The following FLG variants were observed in gnomAD, a reference collection of about 807,000 sequenced individuals.
The protein encoded by FLG is filaggrin.
Under a neutral mutation model 3.8 loss-of-function variants are expected in FLG, and 6 were observed. The observed-to-expected ratio is 1.60, with a 90% CI of 0.87 to 3.15. The LOEUF (loss-of-function observed/expected upper bound fraction) is 3.15, where lower values mean the gene tolerates loss of function less well. FLG is among the 30% of genes most tolerant of loss of function. The pLI, the probability that FLG is intolerant of heterozygous loss-of-function variation, is 0.00. For missense variants in FLG, 7,595 were observed against 5,050.9 expected, an observed-to-expected ratio of 1.50 and a Z score of -15.27; for synonymous variants, 2,551 against 1,931.6, an observed-to-expected ratio of 1.32 and a Z score of -8.41.
Position 152,309,959 on chromosome 1 carries a change from G to A in FLG, c.4927C>T (p.His1643Tyr). The part of the protein sequence containing the change: ...PRSHQEDRAS[H>Y]GHSAESSRQS... ...CTGGAGCTCTCTGCAGAGTGCCCAT[G>A]ACTGGCTCTATCTTCTTGATGGGAC... Residue 1643 changes from histidine to tyrosine, a missense_variant, in exon 3 of 3, where the codon CAT (histidine) becomes TAT (tyrosine). Coordinates refer to ENST00000368799, the MANE Select transcript of FLG (RefSeq NM_002016.2). 1.2e-6 allele frequency: 2 copies of A among 1,614,094 alleles called. No homozygotes were observed. The highest frequency in any genetic ancestry group is 1.1e-5 in the South Asian group (1 of 91,076).
At position 152,303,370 on chromosome 1, in the gene FLG, C is replaced by A. The variant is rs775846399; in HGVS notation, c.11516G>T (p.Ser3839Ile). ...RHHEASTQAD[S>I]SRHSQSGQGE... ...CTGGCCGGACTGTGAGTGTCTAGAG[C>A]TGTCAGCCTGAGTGGAAGCTTCATG... Residue 3839 changes from serine (S) to isoleucine (I), a missense_variant, in exon 3 of 3, where the codon AGC (serine) becomes ATC (isoleucine). Transcript: ENST00000368799. The A allele has an allele frequency of 4.3e-6, 7 of 1,614,168 alleles. No individual in the cohort carries two copies. The South Asian group carries it at 4.4e-5, about 10-fold the overall frequency.
rs533149706 is a variant in FLG, at chr1:152,309,732, C to G, written c.5154G>C (p.Gln1718His). 26 of 1,613,972 alleles carry G rather than the reference C, an allele frequency of 1.6e-5. No individual in the cohort carries two copies. The highest frequency in any genetic ancestry group is 1.9e-5 in the Non-Finnish European group (22 of 1,180,022). ...CTGAGTGTCCCTCGCTGTCACTGGC[C>G]TGGCTACCACTGGACCCTCGGTTTC... ...DSGNRGSSGS[Q>H]ASDSEGHSEE... The change falls in exon 3 of 3, where the codon CAG becomes CAC. Residue 1718 changes from glutamine (Q) to histidine (H), a missense_variant. By Grantham distance (24) the Gln-to-His change is conservative. Transcript: ENST00000368799.
At position 152,303,796 on chromosome 1, in the gene FLG, C is replaced by T. The variant is rs555710209; in HGVS notation, c.11090G>A (p.Arg3697His). ...PHQQSHQEST[R>H]GRSAGRSGRS... ...TCCAGACCTTCCTGCTGACCGGCCA[C>T]GTGTGGACTCTTGGTGGCTCTGCTG... Residue 3697 changes from arginine (R) to histidine (H), a missense_variant, in exon 3 of 3, where the codon CGT becomes CAT. Coordinates refer to ENST00000368799, the MANE Select transcript of FLG (RefSeq NM_002016.2). 89 of 1,613,696 alleles carry T rather than the reference C, an allele frequency of 5.5e-5. No individual in the cohort carries two copies. In the African/African-American group the frequency reaches 6.7e-4, roughly 12 times the overall value.
In FLG at chr1:152,309,401, A is replaced by C; in HGVS notation, c.5485T>G (p.Tyr1829Asp). 1 of 1,612,422 alleles carries C rather than the reference A, an allele frequency of 6.2e-7. No individual in the cohort carries two copies. The highest frequency in any genetic ancestry group is 1.3e-5 in the African/African-American group (1 of 74,696). Residue 1829 changes from tyrosine to aspartate, a missense_variant, in exon 3 of 3, where the codon TAT (tyrosine) becomes GAT (aspartate). By Grantham distance (160) the Tyr-to-Asp change is radical. Transcript: ENST00000368799. ...SSRGGRQGSH[Y>D]EQSVDSSGHS... ...CCAGAACTATCTACCGATTGCTCAT[A>C]GTGGGATCCCTGCCTTCCTCCTCTG...
In FLG at chr1:152,302,384, G is replaced by T. The variant is rs1651664503; in HGVS notation, c.*316C>A. On this transcript the variant is annotated 3_prime_UTR_variant, in exon 3 of 3. Coordinates refer to ENST00000368799, the MANE Select transcript of FLG (RefSeq NM_002016.2). ...TGAAAAAGATTAATTTAGAAATTTG[G>T]GGAGTGTCTAAAACTTAAACTTTCA... is the stretch of plus-strand genomic sequence containing the variant. 3.1e-6 allele frequency: 1 copy of T among 324,742 alleles called. No individual in the cohort carries two copies. Among genetic ancestry groups the T allele is most frequent in the Non-Finnish European group, 5.7e-6 (1 of 176,716 alleles). 20.1% of individuals were successfully genotyped at this position (324,742 alleles called of 1,614,324 possible).
chr1:152,321,318 A>C (rs776240997), intron 1 of FLG, among the ~76,000 whole-genome samples: 2 of 150,932 alleles, frequency 1.3e-5, no homozygotes, highest in Non-Finnish European at 3.0e-5. Context: ...AAGTATAATG[A>C]AGGAAATAAT....
Position 152,307,588 on chromosome 1 carries a change from G to A in FLG, c.7298C>T (p.Thr2433Ile). ...QSESAHGRTG[T>I]STGGRQGSHH... ...GGATCCTTGTCTTCCTCCAGTGCTG[G>A]TCCCGGTCCGTCCATGGGCGGACTC... Residue 2433 changes from threonine to isoleucine, a missense_variant, in exon 3 of 3, where the codon ACC becomes ATC. Coordinates refer to ENST00000368799, the MANE Select transcript of FLG (RefSeq NM_002016.2). 1 of 1,613,770 alleles carries A rather than the reference G, an allele frequency of 6.2e-7. No individual in the cohort carries two copies. The highest frequency in any genetic ancestry group is 2.2e-5 in the East Asian group (1 of 44,794).
At chr1:152,322,600 A>G (rs986815819) in intron 1 of FLG, among the ~76,000 whole-genome samples, 4 of 151,192 alleles carry the variant, frequency 2.6e-5, no homozygotes, top group African/African-American at 9.7e-5. Flanking sequence ...TTGAGATTAT[A>G]AGTGCTGAGA....
In FLG at chr1:152,313,073, G is replaced by C. The variant is rs373321799; in HGVS notation, c.1813C>G (p.Gln605Glu). The change falls in exon 3 of 3, where the codon CAG becomes GAG. Residue 605 changes from glutamine (Q) to glutamate (E), a missense_variant. Gln to Glu is a conservative substitution (Grantham distance 29). Coordinates refer to ENST00000368799, the MANE Select transcript of FLG (RefSeq NM_002016.2). Reference sequence around the variant, plus strand: ...GTCCTGGGCCCCGATGATTGTCCCTGGCCCACCTGTGAGTGTCTAGAGCTG... The same window carrying C: ...GTCCTGGGCCCCGATGATTGTCCCTCGCCCACCTGTGAGTGTCTAGAGCTG... ...ADSSRHSQVGQGQSSGPRTSR... is the reference protein window; with the variant it reads ...ADSSRHSQVGEGQSSGPRTSR... The C allele has an allele frequency of 6.2e-7, 1 of 1,613,908 alleles. No homozygotes were observed. The highest frequency in any genetic ancestry group is 2.2e-5 in the East Asian group (1 of 44,848).
chr1:152,304,816 C>T lies in FLG; in HGVS notation c.10070G>A (p.Gly3357Asp), dbSNP rs778243565. The T allele has an allele frequency of 3.1e-6, 5 of 1,613,690 alleles. No individual in the cohort carries two copies. Among genetic ancestry groups the T allele is most frequent in the East Asian group, 4.5e-5 (2 of 44,826 alleles). ...CTGATGGGGCCCAGCCTGTCCATGG[C>T]CTGACACTGACTGTGTGTCTGACTC... ...SEESDTQSVS[G>D]HGQAGPHQQS... Residue 3357 changes from glycine (G) to aspartate (D), a missense_variant, in exon 3 of 3, where the codon GGC (glycine) becomes GAC (aspartate). Transcript: ENST00000368799.
chr1:152,307,638 G>C lies in FLG; in HGVS notation c.7248C>G (p.Tyr2416Ter), dbSNP rs764660018. ...CAGACTGTTCATGAGTGCTCACCTG[G>C]TAGAGGAAAGACCCTGAACGTCCAG... ...GRSGRSGSFL[Y>*]QVSTHEQSES... is the part of the protein sequence containing the mutation. The change falls in exon 3 of 3, where the codon TAC becomes TAG. Residue 2416 changes from tyrosine (Y) to a stop codon, truncating the protein, a stop_gained. Coordinates refer to ENST00000368799, the MANE Select transcript of FLG (RefSeq NM_002016.2). LOFTEE classifies it low-confidence loss of function (END_TRUNC). 1 of 1,613,470 alleles carries C rather than the reference G, an allele frequency of 6.2e-7. No individual in the cohort carries two copies. Among genetic ancestry groups the C allele is most frequent in the Non-Finnish European group, 8.5e-7 (1 of 1,179,850 alleles).
Position 152,312,960 on chromosome 1 carries a change from G to C in FLG, c.1926C>G (p.Ser642=), listed in dbSNP as rs766043705. ...EDSERWSGSA[S]RNHHGSAQEQ... The stretch of plus-strand genomic sequence containing the variant: ...CCTGAGCAGATCCATGATGGTTTCT[G>C]GAAGCAGACCCAGACCACCTCTCAG... The change falls in exon 3 of 3, where the codon TCC becomes TCG. Residue 642 remains serine (S), a synonymous_variant. Transcript: ENST00000368799. The C allele has an allele frequency of 1.1e-5, 17 of 1,613,950 alleles. No individual in the cohort carries two copies. The highest frequency in any genetic ancestry group is 5.0e-5 in the Admixed American group (3 of 60,006).
rs752246528 is a variant in FLG at position 152,313,242 on chromosome 1, G to T, written c.1644C>A (p.His548Gln). Residue 548 changes from histidine (H) to glutamine (Q), a missense_variant, in exon 3 of 3, where the codon CAC (histidine) becomes CAA (glutamine). His to Gln is a conservative substitution (Grantham distance 24). Coordinates refer to ENST00000368799, the MANE Select transcript of FLG (RefSeq NM_002016.2). ...CATCAGACCTTCCCTGGGATGTGGT[G>T]TGGCTGTGATGGGAACCTGAGTGTC... Reference protein sequence around the residue: ...RSGHSGSHHSHTTSQGRSDAS... With the variant: ...RSGHSGSHHSQTTSQGRSDAS... 6 of 1,613,930 alleles carry T rather than the reference G, an allele frequency of 3.7e-6. No homozygotes were observed. The highest frequency in any genetic ancestry group is 5.1e-6 in the Non-Finnish European group (6 of 1,180,014).
At chr1:152,320,308 T>G (rs1652916347) in intron 1 of FLG, among the ~76,000 whole-genome samples, 1 of 150,632 alleles carries the variant, frequency 6.6e-6, no homozygotes, top group Non-Finnish European at 1.5e-5. Context: ...ATAGAGTAAA[T>G]ATGCTAATTA....
At position 152,308,832 on chromosome 1, in the gene FLG, TCTGGAGCTGTCTGCTGA is replaced by T. The variant is rs748254573; in HGVS notation, c.6037_6053del (p.Ser2013ThrfsTer24). The T allele has an allele frequency of 6.2e-7, 1 of 1,614,166 alleles. No individual in the cohort carries two copies. The highest frequency in any genetic ancestry group is 8.5e-7 in the Non-Finnish European group (1 of 1,180,020). The stretch of plus-strand genomic sequence containing the variant: ...CTTGTCCATGCCCAATGCCTGAGTG[TCTGGAGCTGTCTGCTGA>T]CTGGAGCTGGTGGTGGGATCCATGT... On this transcript the variant is annotated frameshift_variant, in exon 3 of 3. Transcript: ENST00000368799. LOFTEE classifies it low-confidence loss of function (END_TRUNC).
rs755171314 is a variant in FLG at position 152,311,252 on chromosome 1, C to G, written c.3634G>C (p.Gly1212Arg). 1 of 1,613,704 alleles carries G rather than the reference C, an allele frequency of 6.2e-7. No homozygotes were observed. Among genetic ancestry groups the G allele is most frequent in the South Asian group, 1.1e-5 (1 of 91,050 alleles). ...GTTTGTCTGCTTGCACTTCTGGATC[C>G]TGACTGCCCATGGGAGGCATCAGAC... ...GRSDASHGQS[G>R]SRSASRQTRK... The change falls in exon 3 of 3, where the codon GGA (glycine) becomes CGA (arginine). Residue 1212 changes from glycine (G) to arginine (R), a missense_variant. By Grantham distance (125) the Gly-to-Arg change is moderately radical. Transcript: ENST00000368799.
chr1:152,313,145 T>C lies in FLG; in HGVS notation c.1741A>G (p.Thr581Ala). 1 of 1,613,816 alleles carries C rather than the reference T, an allele frequency of 6.2e-7. No homozygotes were observed. The highest frequency in any genetic ancestry group is 8.5e-7 in the Non-Finnish European group (1 of 1,179,980). ...TGATGACGTGACCCTGAGTGCCTGGTGCCGTCTCCTGATTGTTCCTCATTT... is the reference window on the plus strand; with the variant it reads ...TGATGACGTGACCCTGAGTGCCTGGCGCCGTCTCCTGATTGTTCCTCATTT... ...TRNEEQSGDG[T>A]RHSGSRHHEA... The change falls in exon 3 of 3, where the codon ACC (threonine) becomes GCC (alanine). Residue 581 changes from threonine to alanine, a missense_variant. Coordinates refer to ENST00000368799, the MANE Select transcript of FLG (RefSeq NM_002016.2).
rs112033499 is a variant in FLG, at chr1:152,308,947, C to T, written c.5939G>A (p.Arg1980His). The T allele has an allele frequency of 1.5e-3, 2,436 of 1,613,550 alleles. 3 individuals carry two copies. The highest frequency in any genetic ancestry group is 3.3e-3 in the African/African-American group (246 of 74,644). The change falls in exon 3 of 3, where the codon CGT (arginine) becomes CAT (histidine). Residue 1980 changes from arginine to histidine, a missense_variant. Arg to His is a conservative substitution (Grantham distance 29). Coordinates refer to ENST00000368799, the MANE Select transcript of FLG (RefSeq NM_002016.2). ...TCCACGAGAGGAAGACTCTGTGTGACGAGTGCCTGATTGTCTGGAGCTGTC... is the reference window on the plus strand; with the variant it reads ...TCCACGAGAGGAAGACTCTGTGTGATGAGTGCCTGATTGTCTGGAGCTGTC... ...SADSSRQSGT[R>H]HTESSSRGQA...
chr1:152,315,465 A>T lies in FLG; in HGVS notation c.-9T>A. On this transcript the variant is annotated 5_prime_UTR_variant, in exon 2 of 3. Transcript: ENST00000368799. The stretch of plus-strand genomic sequence containing the variant: ...TCCAGGAGAGTAGACATCTTTTGGC[A>T]ATAAATGTGAACCTAGAAAGAAGAA... The T allele has an allele frequency of 6.2e-7, 1 of 1,609,608 alleles. No individual in the cohort carries two copies. Among genetic ancestry groups the T allele is most frequent in the Non-Finnish European group, 8.5e-7 (1 of 1,177,936 alleles).
Sources: allele counts gnomAD v4.1 joint callset (sites outside exome capture counted in the v4.1 genomes callset), GRCh38; gene constraint gnomAD v4.1.1; transcripts MANE v1.5; gene names NCBI Gene and HGNC (gene_info 2026-07-23, HGNC 2026-07-21).